The following MSANTD5 variants were observed in gnomAD, a reference collection of about 807,000 sequenced individuals.
MSANTD5 encodes the protein uncharacterized protein MSANTD5.
chr5:178,699,330 G>A (rs1303423447), upstream of MSANTD5, among the ~76,000 whole-genome samples: 1 of 152,092 alleles, frequency 6.6e-6, no homozygotes, highest in East Asian at 1.9e-4. Flanking sequence ...CTGTATCCAG[G>A]CTGTTTCAAA....
intron 1 of MSANTD5, among the ~76,000 whole-genome samples, chr5:178,696,908 CGA>C (rs1310469353): frequency 5.3e-5 from 8 of 151,968 alleles, no homozygotes; most frequent in Admixed American, 1.3e-4. Flanking sequence ...GAAAACACCG[CGA>C]GAAAGGAGCA....
chr5:178,692,351 G>A (rs1166239814), downstream of MSANTD5, among the ~76,000 whole-genome samples: 2 of 145,652 alleles, frequency 1.4e-5, no homozygotes, highest in East Asian at 4.0e-4. Flanking sequence ...CTGCACTCTA[G>A]CCTGGATGAC....
chr5:178,707,181 TGAAA>T, the MSANTD5 span: 2 of 152,014 alleles, frequency 1.3e-5, no homozygotes, highest in Non-Finnish European at 2.9e-5. Context: ...TGCTAGAGAA[TGAAA>T]GAGAGAATTG....
the MSANTD5 span, among the ~76,000 whole-genome samples, chr5:178,703,695 AT>A: frequency 6.6e-6 from 1 of 151,950 alleles, no homozygotes; most frequent in Non-Finnish European, 1.5e-5. Flanking sequence ...GAAAAGACAA[AT>A]ATTTGGCTGG....
chr5:178,693,892 AC>A (rs1247103602), downstream of MSANTD5, among the ~76,000 whole-genome samples: 5 of 152,024 alleles, frequency 3.3e-5, no homozygotes, highest in African/African-American at 1.2e-4. Flanking sequence ...CAATGAGACC[AC>A]CCACAAATGT....
upstream of MSANTD5, among the ~76,000 whole-genome samples, chr5:178,699,398 C>T (rs1439907067): frequency 6.6e-6 from 1 of 151,848 alleles, no homozygotes; most frequent in Non-Finnish European, 1.5e-5. Flanking sequence ...AGCTTCTTCT[C>T]AATCAGAAAT....
the MSANTD5 span, among the ~76,000 whole-genome samples, chr5:178,705,904 C>T: frequency 6.6e-6 from 1 of 152,100 alleles, no homozygotes; most frequent in Non-Finnish European, 1.5e-5. Flanking sequence ...TTGCAGTGAG[C>T]CGAGATCACA....
chr5:178,697,297 A>T (rs1204711091), intron 1 of MSANTD5, among the ~76,000 whole-genome samples: 4 of 148,776 alleles, frequency 2.7e-5, no homozygotes, highest in Non-Finnish European at 5.9e-5. Flanking sequence ...TACTAAAAAT[A>T]CAAAAAATTA....
At chr5:178,702,890 C>A in the MSANTD5 span, among the ~76,000 whole-genome samples, 1 of 152,288 alleles carries the variant, frequency 6.6e-6, no homozygotes, top group African/African-American at 2.4e-5. Flanking sequence ...AGCCACTGTG[C>A]CTGGCCCATG....
chr5:178,701,147 T>C (rs1170870571), upstream of MSANTD5, among the ~76,000 whole-genome samples: 1 of 152,068 alleles, frequency 6.6e-6, no homozygotes, highest in Non-Finnish European at 1.5e-5. Flanking sequence ...CTAATTTTTT[T>C]TGTATTTTTT....
upstream of MSANTD5, among the ~76,000 whole-genome samples, chr5:178,702,309 T>C (rs1020376859): frequency 2.7e-5 from 4 of 147,400 alleles, no homozygotes; most frequent in Non-Finnish European, 6.0e-5. Context: ...TTCTTTTTTT[T>C]TTTTTTTTTG....
chr5:178,702,579 G>A (rs1765500797), upstream of MSANTD5, among the ~76,000 whole-genome samples: 2 of 150,200 alleles, frequency 1.3e-5, no homozygotes, highest in Admixed American at 1.3e-4. Context: ...GAATACAGGT[G>A]TGAGCCACCG....
chr5:178,697,281 C>T (rs956300889), intron 1 of MSANTD5, among the ~76,000 whole-genome samples: 20 of 145,350 alleles, frequency 1.4e-4, no homozygotes, highest in South Asian at 1.1e-3. Flanking sequence ...GGTGAAACCC[C>T]GTCTCTACTA....
At chr5:178,692,204 A>G (rs1765364157), downstream of MSANTD5, among the ~76,000 whole-genome samples, 1 of 134,648 alleles carries the variant, frequency 7.4e-6, no homozygotes, top group African/African-American at 2.7e-5. Context: ...ATATGGTGAA[A>G]CCCTCTCTCT....
At chr5:178,698,135 G>A (rs1191892231), upstream of MSANTD5, among the ~76,000 whole-genome samples, 1 of 152,234 alleles carries the variant, frequency 6.6e-6, no homozygotes, top group African/African-American at 2.4e-5. Flanking sequence ...TCAGCTGGTT[G>A]AGGGTGAATG....
chr5:178,700,648 T>C (rs1166037740), upstream of MSANTD5, among the ~76,000 whole-genome samples: 5 of 53,204 alleles, frequency 9.4e-5, no homozygotes, highest in Admixed American at 1.2e-3. Flanking sequence ...TTCTCAGAGA[T>C]TCCAGTGTGA....
the MSANTD5 span, among the ~76,000 whole-genome samples, chr5:178,704,694 A>G: frequency 6.6e-6 from 1 of 152,246 alleles, no homozygotes; most frequent in Non-Finnish European, 1.5e-5. Context: ...CAGGAATGTC[A>G]GAAGTGTCCC....
downstream of MSANTD5, among the ~76,000 whole-genome samples, chr5:178,691,770 G>A (rs370275041): frequency 7.4e-4 from 102 of 136,970 alleles, 13 homozygotes; most frequent in African/African-American, 2.6e-3. Flanking sequence ...ATATGCAGAT[G>A]GCAAATAGGC....
At chr5:178,700,776 G>C (rs534366124), upstream of MSANTD5, among the ~76,000 whole-genome samples, 1 of 152,326 alleles carries the variant, frequency 6.6e-6, no homozygotes, top group East Asian at 1.9e-4. Context: ...CGGAAGGCCA[G>C]GGACCTTTTT....
Sources: gnomAD v4.1 joint callset for allele counts (sites outside exome capture counted in the v4.1 genomes callset) on GRCh38, gnomAD v4.1.1 for gene constraint, MANE v1.5 for transcripts, NCBI Gene and HGNC (gene_info 2026-07-23, HGNC 2026-07-21) for gene names.